The following ST6GALNAC3 variants were observed in gnomAD, a reference collection of about 807,000 sequenced individuals.
The protein encoded by ST6GALNAC3 is alpha-N-acetylgalactosaminide alpha-2,6-sialyltransferase 3.
ST6GALNAC3 carries 25 observed loss-of-function variants against 32.7 expected under a neutral mutation model. The ratio of observed to expected loss-of-function variants is 0.76; its 90% CI spans 0.56 to 1.07. ST6GALNAC3 has a LOEUF of 1.07. Ranked by LOEUF, ST6GALNAC3 falls within the 50% of genes least tolerant of loss-of-function variation. ST6GALNAC3 has a pLI of 0.00. For missense variants in ST6GALNAC3, 355 were observed against 382.4 expected (o/e 0.93, Z 0.60); for synonymous variants, 129 against 133.1 (o/e 0.97, Z 0.21).
At chr1:76,298,982 A>G (rs1660572933) in intron 1 of ST6GALNAC3, among the ~76,000 whole-genome samples, 1 of 152,000 alleles carries the variant, frequency 6.6e-6, no homozygotes. Context: ...CACCTATTTT[A>G]CTCAGGAAGA....
At chr1:76,184,525 A>G (rs1303451276) in intron 1 of ST6GALNAC3, among the ~76,000 whole-genome samples, 1,705 of 131,732 alleles carry the variant, frequency 0.013, 19 homozygotes, top group African/African-American at 0.039. Flanking sequence ...GGCAGCACAC[A>G]CACACACACA....
At position 76,525,753 on chromosome 1, in the gene ST6GALNAC3, A is replaced by G. The variant is rs1486551486; in HGVS notation, c.624-101699A>G. ...TGTGTATATGTATATATATATGTGT[A>G]TATATGTGTATGTGTGTTTGTGTGT... On this transcript the variant is annotated intron_variant, in intron 3 of 4. Transcript: ENST00000328299. Among the ~76,000 whole-genome samples, 3 of 117,472 alleles carry G rather than the reference A, an allele frequency of 2.6e-5. No individual in the cohort carries two copies. The South Asian group carries it at 1.0e-3, about 41-fold the overall frequency. The allele number at this position is 117,472 out of a possible 152,430, so 77.1% of individuals were successfully genotyped here. A position where few individuals can be genotyped will look rare whatever the true frequency, so the allele number is the denominator to read the frequency against.
At chr1:76,425,589 G>A (rs879868467) in intron 3 of ST6GALNAC3, among the ~76,000 whole-genome samples, 5 of 151,862 alleles carry the variant, frequency 3.3e-5, no homozygotes, top group Admixed American at 1.3e-4. Flanking sequence ...GGAACTCGTC[G>A]GAACTTCTGA....
chr1:76,140,800 T>A (rs1249669206), intron 1 of ST6GALNAC3, among the ~76,000 whole-genome samples: 1 of 100,536 alleles, frequency 9.9e-6, no homozygotes, highest in African/African-American at 3.7e-5. Context: ...TTTTCTAATT[T>A]TTTTTTTTTT....
intron 1 of ST6GALNAC3, among the ~76,000 whole-genome samples, chr1:76,076,245 T>C (rs1330476603): frequency 6.6e-6 from 1 of 152,238 alleles, no homozygotes; most frequent in African/African-American, 2.4e-5. Context: ...ATGATATTTA[T>C]TGCTGGCCAT....
intron 1 of ST6GALNAC3, among the ~76,000 whole-genome samples, chr1:76,202,305 T>C (rs524814): frequency 0.83 from 124,872 of 150,744 alleles, 52,284 homozygotes; most frequent in East Asian, 1. Context: ...TGTGTGTGTA[T>C]GTACATACAC....
chr1:76,158,928 G>A (rs1651640114), intron 1 of ST6GALNAC3, among the ~76,000 whole-genome samples: 1 of 152,146 alleles, frequency 6.6e-6, no homozygotes, highest in African/African-American at 2.4e-5. Flanking sequence ...GGGTCACAAA[G>A]CTGGCAAGGG....
At chr1:76,517,378 T>C (rs1197582319) in intron 3 of ST6GALNAC3, among the ~76,000 whole-genome samples, 2 of 151,864 alleles carry the variant, frequency 1.3e-5, no homozygotes, top group African/African-American at 2.4e-5. Flanking sequence ...ATTTTAATGT[T>C]TTATTTTTGT....
At chr1:76,635,198 C>T (rs929502430), downstream of ST6GALNAC3, among the ~76,000 whole-genome samples, 3 of 152,078 alleles carry the variant, frequency 2.0e-5, no homozygotes, top group Non-Finnish European at 4.4e-5. Flanking sequence ...CTTCCTTATT[C>T]CTTACTTTCC....
intron 3 of ST6GALNAC3, among the ~76,000 whole-genome samples, chr1:76,471,453 C>T (rs1316741531): frequency 6.6e-6 from 1 of 152,002 alleles, no homozygotes; most frequent in Non-Finnish European, 1.5e-5. Flanking sequence ...GTCTTTTATT[C>T]CCAGTAAGCG....
At chr1:76,324,863 A>G (rs980992489) in intron 2 of ST6GALNAC3, among the ~76,000 whole-genome samples, 1 of 152,158 alleles carries the variant, frequency 6.6e-6, no homozygotes, top group Admixed American at 6.6e-5. Flanking sequence ...AATAAATCTG[A>G]AACTATTCCA....
chr1:76,435,848 T>C (rs775056980), intron 3 of ST6GALNAC3, among the ~76,000 whole-genome samples: 1 of 123,062 alleles, frequency 8.1e-6, no homozygotes, highest in Non-Finnish European at 1.8e-5. Flanking sequence ...GCTTCAATCT[T>C]TTCTTTTTTT....
chr1:76,219,521 G>T (rs958083448), intron 1 of ST6GALNAC3, among the ~76,000 whole-genome samples: 2 of 152,202 alleles, frequency 1.3e-5, no homozygotes, highest in African/African-American at 2.4e-5. Flanking sequence ...AGCAGGTGCT[G>T]GAGTCTGAGG....
chr1:76,140,969 A>G (rs536826009), intron 1 of ST6GALNAC3, among the ~76,000 whole-genome samples: 10 of 151,808 alleles, frequency 6.6e-5, no homozygotes, highest in Non-Finnish European at 1.5e-4. Context: ...GGACTTGCCT[A>G]TGGTAGGTAC....
chr1:76,302,522 T>A (rs1395543912), intron 1 of ST6GALNAC3, among the ~76,000 whole-genome samples: 1 of 152,074 alleles, frequency 6.6e-6, no homozygotes, highest in Admixed American at 6.6e-5. Context: ...CTTTTCTTTC[T>A]TATTCTATTT....
intron 3 of ST6GALNAC3, among the ~76,000 whole-genome samples, chr1:76,435,621 G>A (rs189986693): frequency 2.4e-4 from 37 of 152,122 alleles, no homozygotes; most frequent in Admixed American, 3.9e-4. Flanking sequence ...ATGTTATTTG[G>A]GCAGAGCTAA....
At chr1:76,159,221 C>G (rs1383265014) in intron 1 of ST6GALNAC3, among the ~76,000 whole-genome samples, 3 of 152,156 alleles carry the variant, frequency 2.0e-5, no homozygotes, top group Non-Finnish European at 4.4e-5. Context: ...CAGAGTCTTG[C>G]TCTGTCAGCC....
At chr1:76,464,426 T>C (rs558705960) in intron 3 of ST6GALNAC3, among the ~76,000 whole-genome samples, 25 of 152,190 alleles carry the variant, frequency 1.6e-4, no homozygotes, top group Non-Finnish European at 2.8e-4. Flanking sequence ...AGAGCCTTCA[T>C]TGTTAATTAC....
At chr1:76,095,883 AGCCTTTGCCACCG>A (rs1483704218) in intron 1 of ST6GALNAC3, among the ~76,000 whole-genome samples, 1 of 152,170 alleles carries the variant, frequency 6.6e-6, no homozygotes, top group Admixed American at 6.5e-5. Flanking sequence ...AAACGTGTGC[AGCCTTTGCCACCG>A]GGCCCTCGGA....
Sources: allele counts gnomAD v4.1 joint callset (sites outside exome capture counted in the v4.1 genomes callset), GRCh38; gene constraint gnomAD v4.1.1; transcripts MANE v1.5; gene names NCBI Gene and HGNC (gene_info 2026-07-23, HGNC 2026-07-21).